SNX29: variants seen among roughly 807,000 people sequenced by gnomAD.
SNX29 encodes sorting nexin 29, also known as sorting nexin-29.
A neutral mutation model predicts 102.1 loss-of-function variants in SNX29; 78 were observed. The observed-to-expected ratio is 0.76, with a 90% CI of 0.64 to 0.92. The LOEUF (loss-of-function observed/expected upper bound fraction) is 0.92. Ranked by LOEUF, SNX29 falls within the 40% of genes least tolerant of loss-of-function variation. The probability of loss-of-function intolerance (pLI) is 0.00; values close to 1 mark genes in which losing one functional copy is unlikely to be tolerated. For missense variants in SNX29, 1,280 were observed against 1,061.7 expected (o/e 1.21, Z -2.86); for synonymous variants, 580 against 414.5 (o/e 1.40, Z -4.85).
intron 16 of SNX29, among the ~76,000 whole-genome samples, chr16:12,373,474 A>C (rs58393449): frequency 0.043 from 6,575 of 152,266 alleles, 275 homozygotes; most frequent in African/African-American, 0.1. Flanking sequence ...CCCACCAAAG[A>C]GAGTTGTATG....
intron 15 of SNX29, among the ~76,000 whole-genome samples, chr16:12,302,125 T>C (rs1273507302): frequency 6.6e-6 from 1 of 152,094 alleles, no homozygotes; most frequent in African/African-American, 2.4e-5. Flanking sequence ...AAGACAGAGA[T>C]GGGAAAACCT....
intron 15 of SNX29, among the ~76,000 whole-genome samples, chr16:12,352,773 G>C (rs1384144200): frequency 6.6e-6 from 1 of 152,186 alleles, no homozygotes; most frequent in Non-Finnish European, 1.5e-5. Flanking sequence ...GTTTGTGGCT[G>C]TGTCAGCCCT....
chr16:12,007,792 A>G (rs2056506327), intron 3 of SNX29, among the ~76,000 whole-genome samples: 1 of 151,862 alleles, frequency 6.6e-6, no homozygotes, highest in Non-Finnish European at 1.5e-5. Flanking sequence ...AGATTCCCTC[A>G]CCTCATGCTC....
intron 8 of SNX29, among the ~76,000 whole-genome samples, chr16:12,056,237 C>G (rs866587929): frequency 2.0e-5 from 3 of 152,188 alleles, no homozygotes; most frequent in Non-Finnish European, 2.9e-5. Flanking sequence ...GCTGATGCCA[C>G]TGAGTGTAGC....
intron 14 of SNX29, among the ~76,000 whole-genome samples, chr16:12,221,115 TCTTC>T (rs1567327107): frequency 6.6e-6 from 1 of 151,154 alleles, no homozygotes; most frequent in African/African-American, 2.4e-5. Context: ...AGTTTTTTTT[TCTTC>T]TTCTTCTTCA....
At position 12,434,215 on chromosome 16, in the gene SNX29, G is replaced by T. The variant is rs187660647; in HGVS notation, c.2037+30686G>T. Among the ~76,000 whole-genome samples, 85 of 152,230 alleles carry T rather than the reference G, an allele frequency of 5.6e-4. 1 individual carries two copies. The highest frequency in any genetic ancestry group is 9.4e-4 in the Non-Finnish European group (64 of 68,020). ...CTCAGTTTCCTTCTCTGTGAAATGG[G>T]GATAATATTATAACAGGAACAAATC... On this transcript the variant is annotated intron_variant, in intron 18 of 20. Transcript: ENST00000566228.
At chr16:11,983,235 ATTTTTTTT>A (rs557542669) in intron 1 of SNX29, among the ~76,000 whole-genome samples, 81 of 129,600 alleles carry the variant, frequency 6.3e-4, no homozygotes, top group Admixed American at 8.1e-4. Flanking sequence ...CTGGGTTACA[ATTTTTTTT>A]TTTTTTTTTT....
At chr16:12,433,788 C>T (rs2085415918) in intron 18 of SNX29, among the ~76,000 whole-genome samples, 1 of 152,166 alleles carries the variant, frequency 6.6e-6, no homozygotes, top group Non-Finnish European at 1.5e-5. Flanking sequence ...TGTGCCACTG[C>T]ACTCCAGCCC....
intron 15 of SNX29, among the ~76,000 whole-genome samples, chr16:12,355,040 A>T (rs927139150): frequency 6.6e-6 from 1 of 152,192 alleles, no homozygotes; most frequent in Non-Finnish European, 1.5e-5. Flanking sequence ...GATATATTTC[A>T]TGTTGATTGC....
rs148278722 is a variant in SNX29, at chr16:12,306,772, C to T, written c.1782+28736C>T. 7.2e-3 allele frequency among the ~76,000 whole-genome samples: 1,096 copies of T among 152,340 alleles called. 24 individuals carry two copies. The highest frequency in any genetic ancestry group is 0.044 in the Admixed American group (674 of 15,308). On this transcript the variant is annotated intron_variant, in intron 15 of 20. Transcript: ENST00000566228. The stretch of plus-strand genomic sequence containing the variant: ...TTCTTCAGAAAAGTTACTAGGGATC[C>T]GATAGCAAAGGACAACCTTGTCAGC...
intron 16 of SNX29, among the ~76,000 whole-genome samples, chr16:12,377,914 C>T (rs1254100952): frequency 1.3e-5 from 2 of 152,106 alleles, no homozygotes; most frequent in African/African-American, 4.8e-5. Context: ...TTTGGGTTTT[C>T]ATTTTCAGGC....
chr16:12,093,725 G>A (rs1325221187), intron 11 of SNX29: 2 of 152,192 alleles, frequency 1.3e-5, no homozygotes, highest in African/African-American at 2.4e-5. Flanking sequence ...TATATGAAGT[G>A]TCTGTTGTAT....
At chr16:12,061,732 A>G (rs921978089) in intron 9 of SNX29, 86 bp downstream of exon 9, 1 of 1,222,408 alleles carries the variant, frequency 8.2e-7, no homozygotes, top group South Asian at 1.4e-5. Flanking sequence ...CTGGACAGGT[A>G]GGAATGGGAG....
At chr16:12,293,688 T>A (rs2079879497) in intron 15 of SNX29, among the ~76,000 whole-genome samples, 1 of 152,190 alleles carries the variant, frequency 6.6e-6, no homozygotes. Context: ...TATTGAACAT[T>A]TTTTACTTAA....
At chr16:12,474,078 C>T (rs2087481249) in intron 18 of SNX29, among the ~76,000 whole-genome samples, 1 of 152,128 alleles carries the variant, frequency 6.6e-6, no homozygotes, top group Non-Finnish European at 1.5e-5. Context: ...GAGCCCCTGT[C>T]TGGTAACACT....
Position 12,455,415 on chromosome 16 carries a change from C to A in SNX29, c.2038-22304C>A, listed in dbSNP as rs574596140. ...CCCTGCATACCGGCTTGGCCAGCAC[C>A]CGCCGTGGCTGTAACTGACCTCTAG... On this transcript the variant is annotated intron_variant, in intron 18 of 20. Transcript: ENST00000566228. 2.6e-5 allele frequency among the ~76,000 whole-genome samples: 4 copies of A among 152,298 alleles called. No individual in the cohort carries two copies. In the East Asian group the frequency reaches 7.7e-4, roughly 29 times the overall value.
At chr16:12,381,090 A>T (rs1175167912) in intron 16 of SNX29, among the ~76,000 whole-genome samples, 1 of 11,714 alleles carries the variant, frequency 8.5e-5, no homozygotes, top group Non-Finnish European at 1.6e-4. Flanking sequence ...CCACCCACCC[A>T]CCATCCATCC....
intron 20 of SNX29, among the ~76,000 whole-genome samples, chr16:12,540,752 T>C (rs925238973): frequency 6.6e-6 from 1 of 152,176 alleles, no homozygotes; most frequent in Non-Finnish European, 1.5e-5. Flanking sequence ...GCACCATTGA[T>C]CTTACCGCCA....
intron 20 of SNX29, among the ~76,000 whole-genome samples, chr16:12,540,533 G>T (rs573048567): frequency 2.6e-5 from 4 of 152,162 alleles, no homozygotes; most frequent in East Asian, 1.9e-4. Flanking sequence ...TTTGTTTCGC[G>T]GCTTCCTGGC....
Sources: gnomAD v4.1 joint callset for allele counts (sites outside exome capture counted in the v4.1 genomes callset) on GRCh38, gnomAD v4.1.1 for gene constraint, MANE v1.5 for transcripts, NCBI Gene and HGNC (gene_info 2026-07-23, HGNC 2026-07-21) for gene names.